KCND3: variants seen among roughly 807,000 people sequenced by gnomAD.
KCND3 encodes potassium voltage-gated channel subfamily D member 3.
In KCND3, 9 loss-of-function variants were observed where a neutral mutation model predicts 51.1. The ratio of observed to expected loss-of-function variants is 0.18; its 90% CI spans 0.11 to 0.31. The LOEUF (loss-of-function observed/expected upper bound fraction) is 0.31, where lower values mean the gene tolerates loss of function less well. KCND3 is among the 10% of genes least tolerant of loss of function. KCND3 has a pLI of 1.00. For missense variants in KCND3, 526 were observed against 903.8 expected (o/e 0.58, Z 5.36); for synonymous variants, 349 against 368.0 (o/e 0.95, Z 0.59).
intron 2 of KCND3, among the ~76,000 whole-genome samples, chr1:111,944,101 A>G (rs1476182881): frequency 6.6e-6 from 1 of 152,210 alleles, no homozygotes; most frequent in African/African-American, 2.4e-5. Flanking sequence ...GAGGAGGGGA[A>G]AACTACATTA....
chr1:111,835,436 A>AGGGGGTTAG (rs892049821), intron 2 of KCND3, among the ~76,000 whole-genome samples: 3 of 152,322 alleles, frequency 2.0e-5, no homozygotes, highest in African/African-American at 7.2e-5. Flanking sequence ...CTGCATTCCC[A>AGGGGGTTAG]GGGGGTTAGG....
At position 111,786,935 on chromosome 1, in the gene KCND3, G is replaced by A; in HGVS notation, c.1269+9C>T. 6.2e-7 allele frequency: 1 copy of A among 1,614,042 alleles called. No individual in the cohort carries two copies. The highest frequency in any genetic ancestry group is 8.5e-7 in the Non-Finnish European group (1 of 1,180,010). On this transcript the variant is annotated intron_variant, in intron 3 of 7. Coordinates refer to ENST00000302127, the MANE Select transcript of KCND3 (RefSeq NM_001378969.1). ...ACACTGCCCCCGCTTCCCTGCGTCT[G>A]AGGCTTACCTTTTGTGCCCTGCGTT...
rs532859375 is a variant in KCND3, at chr1:111,946,318, G to A, written c.1106+35303C>T. Among the ~76,000 whole-genome samples the A allele has an allele frequency of 7.2e-5, 11 of 152,298 alleles. No homozygotes were observed. In the East Asian group the frequency reaches 1.7e-3, roughly 24 times the overall value. ...CCTAGTCTGAGTTGGTGTTCAAGTC[G>A]TGGGCAAGGGGAAAGGCATTCCATT... is the stretch of plus-strand genomic sequence containing the variant. On this transcript the variant is annotated intron_variant, in intron 2 of 7. Transcript: ENST00000302127.
chr1:111,955,643 T>C (rs1477168287), intron 2 of KCND3, among the ~76,000 whole-genome samples: 1 of 152,234 alleles, frequency 6.6e-6, no homozygotes, highest in Non-Finnish European at 1.5e-5. Flanking sequence ...TTAATGATTT[T>C]CATATCTTCA....
At chr1:111,902,561 G>T (rs779479590) in intron 2 of KCND3, among the ~76,000 whole-genome samples, 10 of 152,172 alleles carry the variant, frequency 6.6e-5, no homozygotes, top group Non-Finnish European at 1.5e-4. Flanking sequence ...AGGGGTTTGT[G>T]AATGCACCTG....
intron 2 of KCND3, among the ~76,000 whole-genome samples, chr1:111,832,708 T>A (rs772131673): frequency 3.3e-5 from 5 of 152,116 alleles, no homozygotes; most frequent in Non-Finnish European, 7.3e-5. Flanking sequence ...CAGAATGCAG[T>A]GGCAGAATGA....
At chr1:111,843,998 G>A (rs113500474) in intron 2 of KCND3, among the ~76,000 whole-genome samples, 2,371 of 152,264 alleles carry the variant, frequency 0.016, 52 homozygotes, top group African/African-American at 0.055. Flanking sequence ...GGCCCCAGAA[G>A]AGAAGTGGCC....
At chr1:111,977,453 C>T (rs376502879) in intron 2 of KCND3, among the ~76,000 whole-genome samples, 1 of 152,256 alleles carries the variant, frequency 6.6e-6, no homozygotes, top group South Asian at 2.1e-4. Flanking sequence ...AAATCAATTC[C>T]GTTTTCATTA....
intron 2 of KCND3, among the ~76,000 whole-genome samples, chr1:111,942,324 G>C (rs532843962): frequency 6.6e-6 from 1 of 152,308 alleles, no homozygotes; most frequent in East Asian, 1.9e-4. Flanking sequence ...GTGTGGCGGG[G>C]GAGCAAGACA....
In KCND3 at chr1:111,776,109, C is replaced by T; in HGVS notation, c.1936G>A (p.Ala646Thr). Reference protein sequence around the residue: ...PGPNTNIPSIASNVVKVSAL With the variant: ...PGPNTNIPSITSNVVKVSAL ...GCGGAGACCTTGACAACATTGCTGG[C>T]TATGGAAGGAATGTTCGTGTTGGGG... The change falls in exon 8 of 8, where the codon GCC becomes ACC. Residue 646 changes from alanine to threonine, a missense_variant. Coordinates refer to ENST00000302127, the MANE Select transcript of KCND3 (RefSeq NM_001378969.1). The T allele has an allele frequency of 6.2e-7, 1 of 1,614,220 alleles. No individual in the cohort carries two copies. Among genetic ancestry groups the T allele is most frequent in the Non-Finnish European group, 8.5e-7 (1 of 1,180,038 alleles).
chr1:111,784,389 G>A (rs879892514), intron 3 of KCND3, among the ~76,000 whole-genome samples: 3 of 152,082 alleles, frequency 2.0e-5, no homozygotes, highest in Admixed American at 6.5e-5. Context: ...AGATGGGAAC[G>A]AAATGCCCCA....
intron 2 of KCND3, among the ~76,000 whole-genome samples, chr1:111,894,150 G>A (rs1373832105): frequency 6.6e-6 from 1 of 152,204 alleles, no homozygotes; most frequent in Non-Finnish European, 1.5e-5. Flanking sequence ...GCGCTGTGGT[G>A]TGGTTGAGGG....
chr1:111,931,972 C>T lies in KCND3; in HGVS notation c.1106+49649G>A, dbSNP rs190206776. ...AACGTAGTGTCTTCAGCACCACCAA[C>T]GTATACAGTTCTGGAGATAACAGGT... is the stretch of plus-strand genomic sequence containing the variant. On this transcript the variant is annotated intron_variant, in intron 2 of 7. Coordinates refer to ENST00000302127, the MANE Select transcript of KCND3 (RefSeq NM_001378969.1). Among the ~76,000 whole-genome samples the T allele has an allele frequency of 3.6e-3, 541 of 152,356 alleles. 4 individuals carry two copies. Among genetic ancestry groups the T allele is most frequent in the African/African-American group, 0.012 (488 of 41,578 alleles).
At chr1:111,943,625 T>C (rs1222369928) in intron 2 of KCND3, among the ~76,000 whole-genome samples, 1 of 152,184 alleles carries the variant, frequency 6.6e-6, no homozygotes, top group Non-Finnish European at 1.5e-5. Flanking sequence ...GCACAGCGTG[T>C]TGCTGGGTCA....
intron 2 of KCND3, among the ~76,000 whole-genome samples, chr1:111,945,689 G>A (rs1164756330): frequency 6.6e-6 from 1 of 152,216 alleles, no homozygotes; most frequent in Non-Finnish European, 1.5e-5. Context: ...CAGCTTCTGT[G>A]CTCAAAAGTC....
At position 111,968,929 on chromosome 1, in the gene KCND3, T is replaced by C. The variant is rs1674173122; in HGVS notation, c.1106+12692A>G. Reference sequence around the variant, plus strand: ...CAAGGCTCCCTGGAACCAGAATCTCTCAAGAGCAGGAGACGGCATGAGATT... The same window carrying C: ...CAAGGCTCCCTGGAACCAGAATCTCCCAAGAGCAGGAGACGGCATGAGATT... On this transcript the variant is annotated intron_variant, in intron 2 of 7. Transcript: ENST00000302127. 2.0e-5 allele frequency among the ~76,000 whole-genome samples: 3 copies of C among 152,072 alleles called. No individual in the cohort carries two copies. The South Asian group carries it at 6.2e-4, about 32-fold the overall frequency.
intron 2 of KCND3, among the ~76,000 whole-genome samples, chr1:111,971,412 A>T (rs962102183): frequency 1.3e-5 from 2 of 152,064 alleles, no homozygotes; most frequent in Non-Finnish European, 2.9e-5. Flanking sequence ...GGGAATTTCC[A>T]CAGGTGAAGA....
At chr1:111,904,147 C>T (rs1405415329) in intron 2 of KCND3, among the ~76,000 whole-genome samples, 4 of 150,906 alleles carry the variant, frequency 2.7e-5, no homozygotes, top group African/African-American at 9.8e-5. Context: ...TGAGAGTTCC[C>T]ACTGCACCCC....
intron 2 of KCND3, among the ~76,000 whole-genome samples, chr1:111,791,675 T>C (rs1284318583): frequency 1.3e-5 from 2 of 152,244 alleles, no homozygotes; most frequent in African/African-American, 2.4e-5. Context: ...GAAAGTAAGT[T>C]CCTCACATTT....
Sources: gnomAD v4.1 joint callset for allele counts (sites outside exome capture counted in the v4.1 genomes callset) on GRCh38, gnomAD v4.1.1 for gene constraint, MANE v1.5 for transcripts, NCBI Gene and HGNC (gene_info 2026-07-23, HGNC 2026-07-21) for gene names.